The following GRIP1 variants were observed in gnomAD, a reference collection of about 807,000 sequenced individuals.
The protein encoded by GRIP1 is glutamate receptor interacting protein 1, also known as glutamate receptor-interacting protein 1.
In GRIP1, 45 loss-of-function variants were observed where a neutral mutation model predicts 129.9. The observed-to-expected ratio is 0.35, with a 90% CI of 0.27 to 0.44. GRIP1 has a LOEUF of 0.44. Ranked by LOEUF, GRIP1 falls within the 20% of genes least tolerant of loss-of-function variation. The pLI is 1.00. For missense variants in GRIP1, 1,196 were observed against 1,396.8 expected, an observed-to-expected ratio of 0.86 and a Z score of 2.29; for synonymous variants, 530 against 520.8, an observed-to-expected ratio of 1.02 and a Z score of -0.24.
intron 1 of GRIP1, among the ~76,000 whole-genome samples, chr12:66,623,779 G>T (rs2065373270): frequency 6.6e-6 from 1 of 152,012 alleles, no homozygotes; most frequent in Non-Finnish European, 1.5e-5. Flanking sequence ...TTTCCTATTT[G>T]GTTTTTGATG....
At chr12:66,826,132 A>G (rs941600160) in intron 1 of GRIP1, among the ~76,000 whole-genome samples, 11 of 152,202 alleles carry the variant, frequency 7.2e-5, no homozygotes, top group Admixed American at 2.0e-4. Context: ...GCAGCCATAA[A>G]AAAGGATGGG....
chr12:66,694,620 G>T (rs187264674), intron 1 of GRIP1, among the ~76,000 whole-genome samples: 27 of 152,234 alleles, frequency 1.8e-4, no homozygotes, highest in Admixed American at 1.4e-3. Flanking sequence ...TACATTATTA[G>T]TAAAGTATTT....
intron 8 of GRIP1, among the ~76,000 whole-genome samples, chr12:66,464,404 C>G (rs1344025275): frequency 6.6e-6 from 1 of 152,120 alleles, no homozygotes; most frequent in Non-Finnish European, 1.5e-5. Flanking sequence ...TTTTAAGACA[C>G]CCTCGAAGGT....
chr12:66,449,443 A>G (rs2058715729), intron 11 of GRIP1, among the ~76,000 whole-genome samples: 2 of 152,162 alleles, frequency 1.3e-5, no homozygotes, highest in Admixed American at 1.3e-4. Context: ...AGGAGGAGTA[A>G]GAAAAAAAAT....
chr12:66,821,687 G>C (rs952257179), intron 1 of GRIP1, among the ~76,000 whole-genome samples: 3 of 152,130 alleles, frequency 2.0e-5, no homozygotes, highest in Non-Finnish European at 4.4e-5. Context: ...ACACTTCTGG[G>C]TTTTGGAAAC....
rs368434357 is a variant in GRIP1 at position 66,445,432 on chromosome 12, T to C, written c.1431A>G (p.Ala477=). 1.2e-5 allele frequency: 20 copies of C among 1,614,148 alleles called. No individual in the cohort carries two copies. The highest frequency in any genetic ancestry group is 1.6e-5 in the Non-Finnish European group (19 of 1,179,974). ...GGATCCCAAATCCTGTGACAGGATC[T>C]GCCGTCAGCACAACCTCTGTGGTTT... ...HTETTEVVLT[A]DPVTGFGIQL... Residue 477 remains alanine (A), a synonymous_variant, in exon 12 of 25, where the codon GCA becomes GCG. Transcript: ENST00000359742.
At chr12:66,709,569 C>T (rs2035646485) in intron 1 of GRIP1, among the ~76,000 whole-genome samples, 1 of 151,708 alleles carries the variant, frequency 6.6e-6, no homozygotes, top group South Asian at 2.1e-4. Context: ...GGGAGTTGTT[C>T]CTAGGGTTGG....
At chr12:66,356,893 C>CA (rs1279603278) in intron 23 of GRIP1, among the ~76,000 whole-genome samples, 2 of 152,094 alleles carry the variant, frequency 1.3e-5, no homozygotes, top group African/African-American at 4.8e-5. Context: ...TTTTTTGAGA[C>CA]AAGGTCTTGC....
chr12:66,448,239 C>T (rs770187870), intron 11 of GRIP1, among the ~76,000 whole-genome samples: 17 of 151,964 alleles, frequency 1.1e-4, no homozygotes, highest in Non-Finnish European at 2.2e-4. Flanking sequence ...ACTACTATTT[C>T]TGTGAACAGG....
At position 66,398,289 on chromosome 12, in the gene GRIP1, C is replaced by A. The variant is rs184010541; in HGVS notation, c.1985-3937G>T. On this transcript the variant is annotated intron_variant, in intron 16 of 24. Transcript: ENST00000359742. ...TCTTACTTAAAGCTTTTCATTGGTT[C>A]CTCAGTTCTTTAAGAATAAAATACA... Among the ~76,000 whole-genome samples, 640 of 150,110 alleles carry A rather than the reference C, an allele frequency of 4.3e-3. 6 individuals are homozygous for A. The highest frequency in any genetic ancestry group is 4.6e-3 in the Non-Finnish European group (311 of 68,022).
At chr12:66,850,101 G>A (rs1032793821) in intron 1 of GRIP1, among the ~76,000 whole-genome samples, 3 of 152,082 alleles carry the variant, frequency 2.0e-5, no homozygotes, top group Non-Finnish European at 4.4e-5. Flanking sequence ...TAAACAGAAC[G>A]GTAATCGGTT....
At position 66,904,284 on chromosome 12, in the gene GRIP1, A is replaced by G. The variant is rs186613243; in HGVS notation, c.58+164766T>C. On this transcript the variant is annotated intron_variant, in intron 1 of 1. Transcript: ENST00000643019. ...CTTTTGCACATCAGTTATTGAACAA[A>G]TATTTCAAACCCCTGCATGGTGGTG... 1.2e-4 allele frequency among the ~76,000 whole-genome samples: 19 copies of G among 152,322 alleles called. No homozygotes were observed. In the East Asian group the frequency reaches 3.3e-3, roughly 26 times the overall value.
intron 1 of GRIP1, among the ~76,000 whole-genome samples, chr12:66,738,190 C>CA (rs199806364): frequency 6.6e-6 from 1 of 151,764 alleles, no homozygotes; most frequent in East Asian, 1.9e-4. Flanking sequence ...GGGAGCCTGG[C>CA]AAGTGATGTC....
intron 1 of GRIP1, among the ~76,000 whole-genome samples, chr12:67,014,461 G>A (rs2042754669): frequency 6.6e-6 from 1 of 152,086 alleles, no homozygotes; most frequent in Admixed American, 6.6e-5. Context: ...ATTTTAAAAG[G>A]AGACAAAAAT....
chr12:66,475,226 C>A (rs1447198708), intron 7 of GRIP1, among the ~76,000 whole-genome samples: 2 of 152,012 alleles, frequency 1.3e-5, no homozygotes, highest in African/African-American at 4.8e-5. Context: ...TCAAAGGAGA[C>A]AAAGAAGGCC....
intron 1 of GRIP1, among the ~76,000 whole-genome samples, chr12:66,639,157 GTATT>G (rs2031692308): frequency 6.6e-6 from 1 of 152,038 alleles, no homozygotes; most frequent in African/African-American, 2.4e-5. Flanking sequence ...TAAATGTTAG[GTATT>G]CCTATTACTA....
At chr12:66,891,736 G>A (rs1456535355) in intron 1 of GRIP1, 1 of 152,150 alleles carries the variant, frequency 6.6e-6, no homozygotes, top group Non-Finnish European at 1.5e-5. Flanking sequence ...TCTCTCTCAT[G>A]GGAAAGTACC....
intron 13 of GRIP1, among the ~76,000 whole-genome samples, chr12:66,443,414 T>C (rs1000555780): frequency 2.0e-5 from 3 of 151,902 alleles, no homozygotes; most frequent in African/African-American, 7.3e-5. Flanking sequence ...TCAATCTCCC[T>C]CCCCTACCGC....
chr12:66,982,616 C>T (rs2042254792), intron 1 of GRIP1, among the ~76,000 whole-genome samples: 1 of 152,188 alleles, frequency 6.6e-6, no homozygotes, highest in Non-Finnish European at 1.5e-5. Flanking sequence ...AAGTGAGAAA[C>T]TGCAGCTTTC....
Sources: gnomAD v4.1 joint callset for allele counts (sites outside exome capture counted in the v4.1 genomes callset) on GRCh38, gnomAD v4.1.1 for gene constraint, MANE v1.5 for transcripts, NCBI Gene and HGNC (gene_info 2026-07-23, HGNC 2026-07-21) for gene names.